NUP93: variants seen among roughly 807,000 people sequenced by gnomAD.
The protein encoded by NUP93 is nuclear pore complex protein Nup93.
In NUP93, 55 loss-of-function variants were observed where a neutral mutation model predicts 107.8. The observed-to-expected ratio is 0.51, with a 90% CI of 0.41 to 0.64. NUP93 has a LOEUF of 0.64. NUP93 is among the 30% of genes least tolerant of loss of function. The pLI is 0.00. For missense variants in NUP93, 937 were observed against 1,044.7 expected, an observed-to-expected ratio of 0.90 and a Z score of 1.42; for synonymous variants, 390 against 397.5, an observed-to-expected ratio of 0.98 and a Z score of 0.22.
intron 13 of NUP93, among the ~76,000 whole-genome samples, 188 bp downstream of exon 13, chr16:56,833,594 T>A (rs969835602): frequency 1.0e-5 from 1 of 97,072 alleles, no homozygotes; most frequent in African/African-American, 4.1e-5. Context: ...CCCCCCAGCA[T>A]TAGTATTCCC....
Position 56,827,069 on chromosome 16 carries a change from A to AAAAAAAAAAAAAAAAT in NUP93, c.795-1908_795-1907insAAAAAAAAAAAAAAAT, listed in dbSNP as rs1430722800. Among the ~76,000 whole-genome samples, 720 of 125,448 alleles carry AAAAAAAAAAAAAAAAT rather than the reference A, an allele frequency of 5.7e-3. 44 individuals are homozygous for AAAAAAAAAAAAAAAAT. Among genetic ancestry groups the AAAAAAAAAAAAAAAAT allele is most frequent in the Non-Finnish European group, 9.2e-3 (542 of 58,870 alleles). The allele number at this position is 125,448 out of a possible 152,430, so 82.3% of individuals were successfully genotyped here. A position where few individuals can be genotyped will look rare whatever the true frequency, so the allele number is the denominator to read the frequency against. ...CAAAAAAAAAAAAAAAAAAAAAAAA[A>AAAAAAAAAAAAAAAAT]TTTTGTTGAGTCTGTTTCCTGTTAT... is the stretch of plus-strand genomic sequence containing the variant. On this transcript the variant is annotated intron_variant, in intron 8 of 21. Transcript: ENST00000308159.
intron 3 of NUP93, among the ~76,000 whole-genome samples, chr16:56,795,543 C>T (rs1439470145): frequency 3.5e-4 from 54 of 152,202 alleles, no homozygotes; most frequent in Admixed American, 3.2e-3. Context: ...CCATGCCATT[C>T]GCCATCCTAC....
At chr16:56,808,672 A>G in intron 5 of NUP93, among the ~76,000 whole-genome samples, 1 of 138,230 alleles carries the variant, frequency 7.2e-6, no homozygotes, top group Non-Finnish European at 1.5e-5. Context: ...ATTTATAAAT[A>G]TATAAAATAC....
chr16:56,748,553 A>T, intron 2 of NUP93, 127 bp downstream of exon 2: 1 of 809,924 alleles, frequency 1.2e-6, no homozygotes, highest in African/African-American at 1.7e-5. Context: ...TTGGGAACTC[A>T]GAAAGTGTTG....
chr16:56,779,142 G>A (rs1962467814), intron 3 of NUP93, among the ~76,000 whole-genome samples: 1 of 152,176 alleles, frequency 6.6e-6, no homozygotes, highest in South Asian at 2.1e-4. Flanking sequence ...TGGAGAACCT[G>A]GCAGAAGACA....
chr16:56,812,372 CTCGCTCTATTGCCCAGGCTGGA>C (rs1362501970), intron 5 of NUP93, among the ~76,000 whole-genome samples: 1 of 151,754 alleles, frequency 6.6e-6, no homozygotes, highest in African/African-American at 2.4e-5. Flanking sequence ...GAGACAGAGT[CTCGCTCTATTGCCCAGGCTGGA>C]GTGCAGTGGC....
intron 9 of NUP93, 57 bp downstream of exon 9, chr16:56,829,166 T>G: frequency 6.4e-7 from 1 of 1,567,826 alleles, no homozygotes; most frequent in Non-Finnish European, 8.6e-7. Flanking sequence ...TGCCCTCAGA[T>G]GGGCATTTTC....
intron 3 of NUP93, among the ~76,000 whole-genome samples, chr16:56,793,293 T>C (rs1417848690): frequency 1.3e-5 from 2 of 152,114 alleles, no homozygotes; most frequent in Admixed American, 1.3e-4. Context: ...AGGTGTTCTT[T>C]ATTGAGCTGA....
At chr16:56,737,709 C>T (rs1230242962) in intron 1 of NUP93, among the ~76,000 whole-genome samples, 1 of 150,866 alleles carries the variant, frequency 6.6e-6, no homozygotes, top group Non-Finnish European at 1.5e-5. Flanking sequence ...TCTGTAGTTT[C>T]TTTTCCATTG....
intron 17 of NUP93, among the ~76,000 whole-genome samples, chr16:56,837,178 T>C (rs1312179738): frequency 6.6e-6 from 1 of 152,178 alleles, no homozygotes; most frequent in African/African-American, 2.4e-5. Context: ...GAAGAACAAA[T>C]GATGACTAAG....
At chr16:56,736,971 G>A (rs1961624994) in intron 1 of NUP93, among the ~76,000 whole-genome samples, 1 of 152,210 alleles carries the variant, frequency 6.6e-6, no homozygotes, top group Admixed American at 6.5e-5. Context: ...TTCTTGCTAA[G>A]TCAGTGCTTT....
Position 56,847,023 on chromosome 16 carries a change from A to C in NUP93, c.*2414A>C, listed in dbSNP as rs1393311165. On this transcript the variant is annotated 3_prime_UTR_variant, in exon 22 of 22. Transcript: ENST00000308159. ...AATGAGAAGGGAGAGAAGCAGCCAG[A>C]CCTTGAGCTGCTCTGCTAGGGGAGC... is the stretch of plus-strand genomic sequence containing the variant. The C allele has an allele frequency of 7.9e-5, 12 of 152,368 alleles. No individual in the cohort carries two copies. Among genetic ancestry groups the C allele is most frequent in the Non-Finnish European group, 1.5e-4 (10 of 68,054 alleles). The allele number at this position is 152,368 out of a possible 1,614,324, so 9.4% of individuals were successfully genotyped here. A position where few individuals can be genotyped will look rare whatever the true frequency, so the allele number is the denominator to read the frequency against.
intron 3 of NUP93, among the ~76,000 whole-genome samples, chr16:56,796,396 G>T (rs1278055929): frequency 6.6e-6 from 1 of 152,160 alleles, no homozygotes; most frequent in Non-Finnish European, 1.5e-5. Flanking sequence ...TATGCAGCTT[G>T]GTGTAGTAGG....
chr16:56,815,098 A>G (rs1963393334), intron 5 of NUP93, among the ~76,000 whole-genome samples: 1 of 152,276 alleles, frequency 6.6e-6, no homozygotes, highest in Admixed American at 6.5e-5. Flanking sequence ...GCTGATACCC[A>G]GCTACTGTTT....
chr16:56,828,108 G>A (rs1021665530), intron 8 of NUP93, among the ~76,000 whole-genome samples: 2 of 149,768 alleles, frequency 1.3e-5, no homozygotes, highest in Non-Finnish European at 1.5e-5. Context: ...GGCGACTAGA[G>A]TGAGAATCCA....
Position 56,800,009 on chromosome 16 carries a change from C to T in NUP93, c.360+1471C>T, listed in dbSNP as rs1049563267. Among the ~76,000 whole-genome samples, 6 of 152,240 alleles carry T rather than the reference C, an allele frequency of 3.9e-5. No homozygotes were observed. In the East Asian group the frequency reaches 1.2e-3, roughly 29 times the overall value. ...ACCAGCCCAGCCATCATGGCAAAAC[C>T]CTGTCTCTACTAAAAATACAAAAAT... On this transcript the variant is annotated intron_variant, in intron 4 of 21. Coordinates refer to ENST00000308159, the MANE Select transcript of NUP93 (RefSeq NM_014669.5).
Position 56,785,699 on chromosome 16 carries a change from T to C in NUP93, c.298-12777T>C, listed in dbSNP as rs548162717. ...GATAAGGGGTGGACCGCACGAATTA[T>C]TTTCTTTAAATTAGGTTTGAAGACA... On this transcript the variant is annotated intron_variant, in intron 3 of 21. Coordinates refer to ENST00000308159, the MANE Select transcript of NUP93 (RefSeq NM_014669.5). Among the ~76,000 whole-genome samples, 20 of 152,312 alleles carry C rather than the reference T, an allele frequency of 1.3e-4. No individual in the cohort carries two copies. In the South Asian group the frequency reaches 1.5e-3, roughly 11 times the overall value.
chr16:56,765,638 G>A (rs1389289970), intron 3 of NUP93, among the ~76,000 whole-genome samples: 1 of 152,182 alleles, frequency 6.6e-6, no homozygotes, highest in African/African-American at 2.4e-5. Flanking sequence ...AATAAGTGGT[G>A]CCAAGCTTTG....
intron 5 of NUP93, among the ~76,000 whole-genome samples, chr16:56,817,520 T>C (rs1410107270): frequency 2.6e-5 from 4 of 152,332 alleles, no homozygotes; most frequent in Non-Finnish European, 5.9e-5. Context: ...TGAGATAAGC[T>C]TAAAGAATTT....
Sources: allele counts gnomAD v4.1 joint callset (sites outside exome capture counted in the v4.1 genomes callset), GRCh38; gene constraint gnomAD v4.1.1; transcripts MANE v1.5; gene names NCBI Gene and HGNC (gene_info 2026-07-23, HGNC 2026-07-21).